The following CNTLN variants were observed in gnomAD, a reference collection of about 807,000 sequenced individuals.
CNTLN encodes centlein, centrosomal protein.
In CNTLN, 212 loss-of-function variants were observed where a neutral mutation model predicts 180.0. That is an observed-to-expected ratio of 1.18 (90% CI 1.05 to 1.32). CNTLN has a LOEUF of 1.32. CNTLN is among the 40% of genes most tolerant of loss of function. The pLI, the probability that CNTLN is intolerant of heterozygous loss-of-function variation, is 0.00. For synonymous variants in CNTLN, 722 were observed against 563.1 expected, an observed-to-expected ratio of 1.28 and a Z score of -3.99; for missense variants, 2,095 against 1,610.9, an observed-to-expected ratio of 1.30 and a Z score of -5.14.
At chr9:17,369,208 C>T (rs762498315) in intron 13 of CNTLN, among the ~76,000 whole-genome samples, 8 of 152,132 alleles carry the variant, frequency 5.3e-5, no homozygotes, top group Non-Finnish European at 7.3e-5. Context: ...TCCCCGTTCG[C>T]TTGGCACTTC....
intron 2 of CNTLN, among the ~76,000 whole-genome samples, chr9:17,186,979 G>A (rs1821470775): frequency 6.6e-6 from 1 of 151,966 alleles, no homozygotes; most frequent in Non-Finnish European, 1.5e-5. Flanking sequence ...TTAGAGTTGT[G>A]TCTCTGATGT....
chr9:17,430,003 G>A (rs1460242609), intron 18 of CNTLN, among the ~76,000 whole-genome samples: 1 of 151,856 alleles, frequency 6.6e-6, no homozygotes, highest in East Asian at 1.9e-4. Context: ...GATTTCCATA[G>A]CTAAACACTT....
At position 17,300,839 on chromosome 9, in the gene CNTLN, A is replaced by G. The variant is rs114673795; in HGVS notation, c.1146+2487A>G. ...CAAACCATGTTTTTATTCCTTGAAC[A>G]TAACAGGTATTTAACCTTTCAAGGT... is the stretch of plus-strand genomic sequence containing the variant. On this transcript the variant is annotated intron_variant, in intron 7 of 25. Transcript: ENST00000380647. 751 of 276,470 alleles carry G rather than the reference A, an allele frequency of 2.7e-3. 8 individuals carry two copies. The highest frequency in any genetic ancestry group is 0.016 in the African/African-American group (696 of 43,578). 17.1% of individuals were successfully genotyped at this position (276,470 alleles called of 1,614,324 possible).
At position 17,395,111 on chromosome 9, in the gene CNTLN, G is replaced by A. The variant is rs1038132739; in HGVS notation, c.2615+42G>A. On this transcript the variant is annotated intron_variant, in intron 15 of 25. Coordinates refer to ENST00000380647, the MANE Select transcript of CNTLN (RefSeq NM_017738.4). ...CTTAGCTCTGTGGTGGGGACACTGC[G>A]CATATGTAAAGCACTAGCAAATGGA... The A allele has an allele frequency of 3.3e-6, 5 of 1,535,146 alleles. No homozygotes were observed. In the Admixed American group the frequency reaches 6.1e-5, roughly 19 times the overall value.
chr9:17,189,367 C>T lies in CNTLN; in HGVS notation c.450-36836C>T, dbSNP rs189339063. 7.4e-3 allele frequency among the ~76,000 whole-genome samples: 1,124 copies of T among 151,990 alleles called. 8 individuals carry two copies. Among genetic ancestry groups the T allele is most frequent in the Non-Finnish European group, 0.013 (898 of 67,940 alleles). ...AAAGTTCTGGGATTACAGGCCTGAA[C>T]CACCGTGCCCGGCCAGGACTTAGTT... On this transcript the variant is annotated intron_variant, in intron 2 of 25. Transcript: ENST00000380647.
chr9:17,502,108 T>C (rs1833781134), intron 25 of CNTLN, among the ~76,000 whole-genome samples: 1 of 152,192 alleles, frequency 6.6e-6, no homozygotes, highest in South Asian at 2.1e-4. Context: ...ACTCTACAAT[T>C]CTTGAGATTT....
At chr9:17,323,256 C>T (rs10963034) in intron 8 of CNTLN, among the ~76,000 whole-genome samples, 43,466 of 151,896 alleles carry the variant, frequency 0.29, 6,591 homozygotes, top group South Asian at 0.51. Context: ...AATTTGCAAC[C>T]CAAAGGTAGT....
intron 25 of CNTLN, chr9:17,487,324 G>T: frequency 1.1e-5 from 5 of 439,826 alleles, no homozygotes; most frequent in Middle Eastern, 6.2e-4. Context: ...CAACCTCTGT[G>T]CTTGCTAGAC....
At chr9:17,448,256 A>T (rs1830563436) in intron 18 of CNTLN, 1 of 157,332 alleles carries the variant, frequency 6.4e-6, no homozygotes, top group Non-Finnish European at 1.4e-5. Flanking sequence ...TGTCTAAAAA[A>T]TTCCTGGATG....
chr9:17,375,567 T>C (rs1321855669), intron 13 of CNTLN, among the ~76,000 whole-genome samples: 1 of 152,216 alleles, frequency 6.6e-6, no homozygotes, highest in African/African-American at 2.4e-5. Flanking sequence ...ATGATACTCA[T>C]TTTTATTATT....
At position 17,273,924 on chromosome 9, in the gene CNTLN, G is replaced by T. The variant is rs1828119467; in HGVS notation, c.983+58G>T. ...AGAAATGTCATTAGTTATTCAGAAT[G>T]ATACCATTTATACTTATTACTAACA... On this transcript the variant is annotated intron_variant, in intron 6 of 25. Transcript: ENST00000380647. 5.4e-6 allele frequency: 7 copies of T among 1,291,674 alleles called. No homozygotes were observed. In the Admixed American group the frequency reaches 1.3e-4, roughly 23 times the overall value. 80.0% of individuals were successfully genotyped at this position (1,291,674 alleles called of 1,614,324 possible).
chr9:17,463,352 T>C (rs1428438771), intron 20 of CNTLN, among the ~76,000 whole-genome samples: 1 of 151,672 alleles, frequency 6.6e-6, no homozygotes, highest in African/African-American at 2.4e-5. Context: ...TGTATTGGAT[T>C]TAATGCCTAA....
chr9:17,226,210 C>A lies in CNTLN; in HGVS notation c.457C>A (p.Gln153Lys). The A allele has an allele frequency of 6.4e-7, 1 of 1,556,082 alleles. No homozygotes were observed. The highest frequency in any genetic ancestry group is 1.2e-5 in the South Asian group (1 of 81,590). ...VVSLVVEREKQKSEAKDRKVL... is the reference protein window; with the variant it reads ...VVSLVVEREKKKSEAKDRKVL... ...TCTATATTTTATATCTAGAGAAAAA[C>A]AGAAATCTGAAGCTAAAGACAGAAA... The change falls in exon 3 of 26, where the codon CAG (glutamine) becomes AAG (lysine). Residue 153 changes from glutamine to lysine, a missense_variant. Coordinates refer to ENST00000380647, the MANE Select transcript of CNTLN (RefSeq NM_017738.4).
chr9:17,284,090 T>G (rs1828828721), intron 6 of CNTLN, among the ~76,000 whole-genome samples: 1 of 152,086 alleles, frequency 6.6e-6, no homozygotes, highest in South Asian at 2.1e-4. Context: ...GGCGTGACCT[T>G]GGCTCACTGC....
the CNTLN span, among the ~76,000 whole-genome samples, chr9:17,513,661 C>T: frequency 2.0e-5 from 3 of 151,916 alleles, no homozygotes; most frequent in East Asian, 5.8e-4. Context: ...TGTGCCACCG[C>T]ACTCCACACT....
chr9:17,311,452 T>A (rs995100279), intron 8 of CNTLN, among the ~76,000 whole-genome samples: 4 of 67,880 alleles, frequency 5.9e-5, no homozygotes, highest in African/African-American at 1.8e-4. Flanking sequence ...GGTTTTTCTG[T>A]TTTTTTTTTT....
intron 2 of CNTLN, among the ~76,000 whole-genome samples, chr9:17,179,786 G>A (rs1821005092): frequency 6.6e-6 from 1 of 151,976 alleles, no homozygotes; most frequent in African/African-American, 2.4e-5. Context: ...CATAATTATT[G>A]ATTTATCTAT....
chr9:17,291,486 C>T (rs752293484), intron 6 of CNTLN, among the ~76,000 whole-genome samples: 7 of 152,074 alleles, frequency 4.6e-5, no homozygotes, highest in Non-Finnish European at 1.5e-5. Flanking sequence ...AATCTGGGTG[C>T]TCCTGTGTTA....
In CNTLN at chr9:17,294,306, C is replaced by T. The variant is rs1045000646; in HGVS notation, c.984-3884C>T. 2.0e-5 allele frequency among the ~76,000 whole-genome samples: 3 copies of T among 152,180 alleles called. No individual in the cohort carries two copies. In the East Asian group the frequency reaches 5.9e-4, roughly 30 times the overall value. On this transcript the variant is annotated intron_variant, in intron 6 of 25. Coordinates refer to ENST00000380647, the MANE Select transcript of CNTLN (RefSeq NM_017738.4). ...TGTCTTATCTGGCCCCACCCACATC[C>T]TGCTGATTGGTCCATTTTACAGAGA...
Sources: allele counts gnomAD v4.1 joint callset (sites outside exome capture counted in the v4.1 genomes callset), GRCh38; gene constraint gnomAD v4.1.1; transcripts MANE v1.5; gene names NCBI Gene and HGNC (gene_info 2026-07-23, HGNC 2026-07-21).